MAP3K20: variants seen among roughly 807,000 people sequenced by gnomAD.
The protein encoded by MAP3K20 is mitogen-activated protein kinase kinase kinase 20, also known as HCCS-4.
In MAP3K20, 40 loss-of-function variants were observed where a neutral mutation model predicts 85.7. The observed-to-expected ratio is 0.47, with a 90% CI of 0.36 to 0.61. The LOEUF (loss-of-function observed/expected upper bound fraction) is 0.61, where lower values mean the gene tolerates loss of function less well. MAP3K20 is among the 20% of genes least tolerant of loss of function. MAP3K20 has a pLI of 0.00. For missense variants in MAP3K20, 817 were observed against 961.7 expected (o/e 0.85, Z 1.99); for synonymous variants, 325 against 327.7 (o/e 0.99, Z 0.09).
chr2:173,210,224 A>G (rs1383602070), intron 10 of MAP3K20: 1 of 204,308 alleles, frequency 4.9e-6, no homozygotes, highest in South Asian at 8.0e-5. Flanking sequence ...GTGGTGGCAC[A>G]TGCCTGTAAT....
chr2:173,186,891 A>C (rs1690501387), intron 4 of MAP3K20, among the ~76,000 whole-genome samples: 1 of 152,198 alleles, frequency 6.6e-6, no homozygotes, highest in Non-Finnish European at 1.5e-5. Context: ...AGAATTTTGG[A>C]GTATGTTGAA....
In MAP3K20 at chr2:173,217,155, G is replaced by C. The variant is rs1684098225; in HGVS notation, c.892G>C (p.Glu298Gln). 3.7e-6 allele frequency: 6 copies of C among 1,603,402 alleles called. No individual in the cohort carries two copies. Among genetic ancestry groups the C allele is most frequent in the African/African-American group, 1.3e-5 (1 of 74,434 alleles). ...EATLERLKKL[E>Q]RDLSFKEQEL... ...AACTCTTGAGAGGCTAAAGAAACTA[G>C]AGCGTGATCTCAGCTTTAAGGAGCA... Residue 298 changes from glutamate (E) to glutamine (Q), a missense_variant, in exon 11 of 20, where the codon GAG becomes CAG. This residue lies in a region of MAP3K20 where 158 missense variants were observed against 162.0 expected (regional missense o/e 0.98). Coordinates refer to ENST00000375213, the MANE Select transcript of MAP3K20 (RefSeq NM_016653.3).
Position 173,266,635 on chromosome 2 carries a change from T to A in MAP3K20, c.2288T>A (p.Val763Asp). 6.2e-7 allele frequency: 1 copy of A among 1,613,694 alleles called. No homozygotes were observed. Among genetic ancestry groups the A allele is most frequent in the Non-Finnish European group, 8.5e-7 (1 of 1,179,926 alleles). The change falls in exon 20 of 20, where the codon GTC (valine) becomes GAC (aspartate). Residue 763 changes from valine (V) to aspartate (D), a missense_variant. By Grantham distance (152) the Val-to-Asp change is radical (BLOSUM62 -3). This residue lies in a region of MAP3K20 where 454 missense variants were observed against 476.9 expected (regional missense o/e 0.95). Transcript: ENST00000375213. ...DSRASEEDSK[V>D]SEGGWTKVEY... Reference sequence around the variant, plus strand: ...AGAGCCAGTGAAGAGGACAGCAAAGTCAGCGAAGGGGGCTGGACAAAAGTG... The same window carrying A: ...AGAGCCAGTGAAGAGGACAGCAAAGACAGCGAAGGGGGCTGGACAAAAGTG...
Position 173,229,653 on chromosome 2 carries a change from C to CT in MAP3K20, c.988-26dup, listed in dbSNP as rs748770737. ...AACCAAAAAGACAATGATAATATTACTTTTTTTTTTCATTTCATGCATATT... is the reference window on the plus strand; with the variant it reads ...AACCAAAAAGACAATGATAATATTACTTTTTTTTTTTCATTTCATGCATATT... On this transcript the variant is annotated intron_variant, in intron 11 of 19. Transcript: ENST00000375213. 2.6e-3 allele frequency: 3,695 copies of CT among 1,414,776 alleles called. 1 individual carries two copies. Among genetic ancestry groups the CT allele is most frequent in the Middle Eastern group, 3.1e-3 (17 of 5,466 alleles). 87.6% of individuals were successfully genotyped at this position (1,414,776 alleles called of 1,614,324 possible).
At chr2:173,197,271 A>G (rs570978907) in intron 7 of MAP3K20, among the ~76,000 whole-genome samples, 2 of 152,212 alleles carry the variant, frequency 1.3e-5, no homozygotes, top group East Asian at 1.9e-4. Context: ...CCTAGCATCA[A>G]TTTGCTTTCT....
chr2:173,169,552 TAA>T (rs150873750), intron 2 of MAP3K20, among the ~76,000 whole-genome samples: 4 of 143,610 alleles, frequency 2.8e-5, no homozygotes, highest in Admixed American at 7.0e-5. Context: ...CCCCATCTCT[TAA>T]AAAAAAAAAA....
chr2:173,260,552 T>C (rs1685265480), intron 17 of MAP3K20, among the ~76,000 whole-genome samples: 1 of 151,896 alleles, frequency 6.6e-6, no homozygotes, highest in Non-Finnish European at 1.5e-5. Flanking sequence ...CACTAATCCT[T>C]TGTTTTAATA....
chr2:173,258,867 C>A, intron 17 of MAP3K20, 52 bp downstream of exon 17: 3 of 1,180,074 alleles, frequency 2.5e-6, no homozygotes, highest in Non-Finnish European at 3.8e-6. Context: ...AGATATCAAA[C>A]AAAGACATTA....
intron 2 of MAP3K20, chr2:173,166,516 G>A (rs978016652): frequency 3.9e-5 from 6 of 151,992 alleles, no homozygotes; most frequent in African/African-American, 1.5e-4. Flanking sequence ...TTATTTCTGT[G>A]TAACTTAAAT....
At chr2:173,190,985 T>C in intron 6 of MAP3K20, 55 bp from the exon 7 acceptor site, 1 of 1,609,026 alleles carries the variant, frequency 6.2e-7, no homozygotes, top group Non-Finnish European at 8.5e-7. Flanking sequence ...TTGTAACTGA[T>C]AATCCCTTAA....
chr2:173,232,122 T>C lies in MAP3K20; in HGVS notation c.1033-70T>C. 9 of 1,575,168 alleles carry C rather than the reference T, an allele frequency of 5.7e-6. 1 individual carries two copies. The South Asian group carries it at 8.9e-5, about 16-fold the overall frequency. ...TTATTTTGATCTATTGAAAACTCTA[T>C]GTTTACTGTGAAGACTGGCCACTGA... On this transcript the variant is annotated intron_variant, in intron 12 of 19. Coordinates refer to ENST00000375213, the MANE Select transcript of MAP3K20 (RefSeq NM_016653.3).
At chr2:173,203,070 T>C (rs1428242189) in intron 8 of MAP3K20, among the ~76,000 whole-genome samples, 2 of 152,176 alleles carry the variant, frequency 1.3e-5, no homozygotes, top group Non-Finnish European at 2.9e-5. Context: ...CAGGATAGTA[T>C]GGTATATTGA....
At chr2:173,227,249 T>G in intron 11 of MAP3K20, 1 of 566,254 alleles carries the variant, frequency 1.8e-6, no homozygotes, top group South Asian at 7.8e-5. Flanking sequence ...AAGTGTTAGC[T>G]TTTCTCTCCT....
chr2:173,091,329 C>G, intron 2 of MAP3K20, 139 bp downstream of exon 2: 3 of 785,244 alleles, frequency 3.8e-6, no homozygotes, highest in Non-Finnish European at 5.7e-6. Flanking sequence ...TTCCCAATTT[C>G]CATTCTGGGA....
chr2:173,085,377 A>G (rs116118636), intron 1 of MAP3K20, among the ~76,000 whole-genome samples: 3,127 of 152,358 alleles, frequency 0.021, 44 homozygotes, highest in African/African-American at 0.033. Flanking sequence ...TGAAAACTTT[A>G]AAAAGTAAAA....
intron 2 of MAP3K20, among the ~76,000 whole-genome samples, chr2:173,149,220 T>TA (rs1328981512): frequency 6.6e-6 from 1 of 152,244 alleles, no homozygotes; most frequent in African/African-American, 2.4e-5. Context: ...CTTTTCACTG[T>TA]ACAAAGTGTT....
chr2:173,139,672 T>TG (rs1407058670), intron 2 of MAP3K20, among the ~76,000 whole-genome samples: 2 of 152,234 alleles, frequency 1.3e-5, no homozygotes, highest in Non-Finnish European at 2.9e-5. Flanking sequence ...TTCTTTTTCT[T>TG]GCTTGGTGGA....
intron 2 of MAP3K20, among the ~76,000 whole-genome samples, chr2:173,133,396 G>C (rs922917930): frequency 6.6e-6 from 1 of 152,194 alleles, no homozygotes; most frequent in Non-Finnish European, 1.5e-5. Flanking sequence ...TGAAATGAGA[G>C]TAGATGCCAG....
chr2:173,120,361 A>G (rs1688246514), intron 2 of MAP3K20, among the ~76,000 whole-genome samples: 1 of 152,072 alleles, frequency 6.6e-6, no homozygotes, highest in Non-Finnish European at 1.5e-5. Context: ...GCATAGGAGC[A>G]CTAGGAGTCA....
Sources: allele counts gnomAD v4.1 joint callset (sites outside exome capture counted in the v4.1 genomes callset), GRCh38; gene constraint gnomAD v4.1.1; regional missense constraint gnomAD v4.1.1; transcripts MANE v1.5; gene names NCBI Gene and HGNC (gene_info 2026-07-23, HGNC 2026-07-21).